Variants in DNAH17 observed in about 807,000 individuals in gnomAD.
The protein encoded by DNAH17 is axonemal beta dynein heavy chain 17.
In DNAH17, 376 loss-of-function variants were observed where a neutral mutation model predicts 485.6. That is an observed-to-expected ratio of 0.77 (90% confidence interval 0.71 to 0.84). The LOEUF (loss-of-function observed/expected upper bound fraction) is 0.84. DNAH17 is among the 40% of genes least tolerant of loss of function. The probability of loss-of-function intolerance (pLI) is 0.00; values close to 1 mark genes in which losing one functional copy is unlikely to be tolerated. For missense variants in DNAH17, 6,370 were observed against 5,839.3 expected (o/e 1.09, Z -2.96); for synonymous variants, 3,031 against 2,405.9 (o/e 1.26, Z -7.60).
chr17:78,452,422 C>T (rs1262013037), intron 65 of DNAH17, among the ~76,000 whole-genome samples: 2 of 152,088 alleles, frequency 1.3e-5, no homozygotes, highest in Admixed American at 6.6e-5. Context: ...CACATGCGAC[C>T]ACGTGCATGA....
In DNAH17 at chr17:78,462,837, C is replaced by G. The variant is rs755166656; in HGVS notation, c.9174+7G>C. On this transcript the variant is annotated splice_region_variant and intron_variant, in intron 57 of 80. Coordinates refer to ENST00000389840, the MANE Select transcript of DNAH17 (RefSeq NM_173628.4). ...ACAGGAGCTGGCAGCCAGCCCCCCT[C>G]TCCTACCTGGGAAGCCGTGCTCTGC... is the stretch of plus-strand genomic sequence containing the variant. 2.5e-6 allele frequency: 4 copies of G among 1,613,716 alleles called. No individual in the cohort carries two copies. In the East Asian group the frequency reaches 8.9e-5, roughly 36 times the overall value.
chr17:78,455,620 C>T, intron 63 of DNAH17, 24 bp downstream of exon 63: 5 of 1,507,162 alleles, frequency 3.3e-6, no homozygotes, highest in Non-Finnish European at 4.5e-6. Context: ...AGCCACCGCG[C>T]CTGGCCAGGA....
intron 55 of DNAH17, among the ~76,000 whole-genome samples, 195 bp downstream of exon 55, chr17:78,468,422 A>G (rs1486549549): frequency 2.0e-5 from 3 of 152,038 alleles, no homozygotes; most frequent in African/African-American, 7.3e-5. Flanking sequence ...GCCCCAAGAT[A>G]CCTCTAACGA....
At chr17:78,524,928 C>T in intron 25 of DNAH17, 81 bp downstream of exon 25, 1 of 1,524,034 alleles carries the variant, frequency 6.6e-7, no homozygotes, top group Non-Finnish European at 8.8e-7. Context: ...CCAAAGGGTG[C>T]CCAGAGCCTG....
chr17:78,490,601 T>C, intron 44 of DNAH17, 98 bp downstream of exon 44: 1 of 1,472,596 alleles, frequency 6.8e-7, no homozygotes. Flanking sequence ...ACACAGTTTG[T>C]GACATGAATG....
At chr17:78,540,018 T>C in intron 17 of DNAH17, 138 bp from the exon 18 acceptor site, 1 of 811,604 alleles carries the variant, frequency 1.2e-6, no homozygotes, top group Admixed American at 4.2e-5. Flanking sequence ...ATCTTGCTGG[T>C]GCTGGCCGCC....
chr17:78,492,666 T>C lies in DNAH17; in HGVS notation c.6508A>G (p.Ile2170Val), dbSNP rs2089912437. The C allele has an allele frequency of 1.9e-6, 3 of 1,613,754 alleles. No individual in the cohort carries two copies. The highest frequency in any genetic ancestry group is 2.5e-6 in the Non-Finnish European group (3 of 1,179,804). Reference protein sequence around the residue: ...KAVTCDELFGIINPVTREWKD... With the variant: ...KAVTCDELFGVINPVTREWKD... ...CATTCCCTGGTCACTGGGTTGATGA[T>C]GCCAAAGAGCTCGTCGCAGGTGACG... Residue 2170 changes from isoleucine to valine, a missense_variant, in exon 42 of 81, where the codon ATC becomes GTC. By Grantham distance (29) the Ile-to-Val change is conservative. Coordinates refer to ENST00000389840, the MANE Select transcript of DNAH17 (RefSeq NM_173628.4).
intron 73 of DNAH17, among the ~76,000 whole-genome samples, chr17:78,438,452 G>GGAGGAGGAGGGAGGAGGGAGGA (rs1555651774): frequency 1.5e-5 from 1 of 68,290 alleles, no homozygotes; most frequent in Non-Finnish European, 2.9e-5. Context: ...GGAGGGAGGA[G>GGAGGAGGAGGGAGGAGGGAGGA]GGAGGAGGAG....
chr17:78,552,786 G>T lies in DNAH17; in HGVS notation c.2198C>A (p.Ala733Glu). 1.9e-6 allele frequency: 3 copies of T among 1,610,188 alleles called. No individual in the cohort carries two copies. In the South Asian group the frequency reaches 3.3e-5, roughly 18 times the overall value. ...TGACTTTATTAGTAGAAATTCTACT[G>T]CCTTCACTATAGTCTTTATCTGAAA... Reference protein sequence around the residue: ...WYNEIKTIVKAVEFLLIKSEL... With the variant: ...WYNEIKTIVKEVEFLLIKSEL... The change falls in exon 15 of 81, where the codon GCA (alanine) becomes GAA (glutamate). Residue 733 changes from alanine (A) to glutamate (E), a missense_variant. Coordinates refer to ENST00000389840, the MANE Select transcript of DNAH17 (RefSeq NM_173628.4).
In DNAH17 at chr17:78,505,440, G is replaced by A. The variant is rs985837465; in HGVS notation, c.4809C>T (p.Ser1603=). Residue 1603 remains serine (S), a synonymous_variant, in exon 31 of 81, where the codon AGC becomes AGT. Transcript: ENST00000389840. The part of the protein sequence containing the change: ...LSNGNDPVEV[S]RHLSKLFDSL... ...TATCGAAGAGTTTGGACAGGTGGCGGCTCACCTGGGAGGAGGCAAGAAGCG... is the reference window on the plus strand; with the variant it reads ...TATCGAAGAGTTTGGACAGGTGGCGACTCACCTGGGAGGAGGCAAGAAGCG... 2 of 1,613,864 alleles carry A rather than the reference G, an allele frequency of 1.2e-6. No individual in the cohort carries two copies. Among genetic ancestry groups the A allele is most frequent in the African/African-American group, 2.7e-5 (2 of 74,928 alleles).
At chr17:78,500,060 C>T in intron 36 of DNAH17, 1 of 465,370 alleles carries the variant, frequency 2.1e-6, no homozygotes, top group Non-Finnish European at 3.8e-6. Flanking sequence ...GAGAGAGGGT[C>T]ACCTCCAGGG....
At chr17:78,528,743 C>G (rs1435898592) in intron 22 of DNAH17, among the ~76,000 whole-genome samples, 3 of 152,106 alleles carry the variant, frequency 2.0e-5, no homozygotes, top group African/African-American at 4.8e-5. Flanking sequence ...CCAGCCTGCA[C>G]ACACCCCTCC....
chr17:78,490,992 G>A (rs1733760217), intron 43 of DNAH17, 145 bp from the exon 44 acceptor site: 2 of 1,069,476 alleles, frequency 1.9e-6, no homozygotes, highest in Non-Finnish European at 2.6e-6. Flanking sequence ...CACAGCCCTA[G>A]TCCCTTGGCC....
chr17:78,514,636 C>G, intron 26 of DNAH17, 138 bp downstream of exon 26: 1 of 1,215,244 alleles, frequency 8.2e-7, no homozygotes, highest in Non-Finnish European at 1.1e-6. Context: ...GTCACTTGTG[C>G]ACGAAGCCAG....
At position 78,572,825 on chromosome 17, in the gene DNAH17, C is replaced by A. The variant is rs768709914; in HGVS notation, c.415G>T (p.Val139Leu). The stretch of plus-strand genomic sequence containing the variant: ...TTCTTCAGCCTGTGGACCTGCTTCA[C>A]GATGTCTTCCGAGACCACCTGGGGC... ...GWPQVVSEDI[V>L]KQVHRLKNEM... The change falls in exon 3 of 81, where the codon GTG (valine) becomes TTG (leucine). Residue 139 changes from valine to leucine, a missense_variant. Val to Leu is a conservative substitution (Grantham distance 32). Coordinates refer to ENST00000389840, the MANE Select transcript of DNAH17 (RefSeq NM_173628.4). The A allele has an allele frequency of 6.2e-7, 1 of 1,613,976 alleles. No homozygotes were observed. The highest frequency in any genetic ancestry group is 1.1e-5 in the South Asian group (1 of 91,068).
rs548147431 is a variant in DNAH17, at chr17:78,549,123, C to A, written c.2391+2412G>T. On this transcript the variant is annotated intron_variant, in intron 16 of 80. Transcript: ENST00000389840. The stretch of plus-strand genomic sequence containing the variant: ...TGCACGTCTGTGTTCTCTCATCTCC[C>A]AAAATTCACATATTCGAGTCCTAGC... Among the ~76,000 whole-genome samples, 5 of 152,270 alleles carry A rather than the reference C, an allele frequency of 3.3e-5. No homozygotes were observed. In the East Asian group the frequency reaches 9.6e-4, roughly 29 times the overall value.
In DNAH17 at chr17:78,459,829, T is replaced by A; in HGVS notation, c.9608A>T (p.Lys3203Met). 6.2e-7 allele frequency: 1 copy of A among 1,614,044 alleles called. No homozygotes were observed. Among genetic ancestry groups the A allele is most frequent in the Non-Finnish European group, 8.5e-7 (1 of 1,179,890 alleles). Residue 3203 changes from lysine (K) to methionine (M), a missense_variant, in exon 60 of 81, where the codon AAG becomes ATG. Lys to Met is a moderately conservative substitution (Grantham distance 95). Coordinates refer to ENST00000389840, the MANE Select transcript of DNAH17 (RefSeq NM_173628.4). ...KVDTFLDSLK[K>M]FDKEHIPEAC... ...CTCAGGGATGTGCTCCTTGTCGAACTTCTTCAGGGAGTCTAGGAAGGTGTC... is the reference window on the plus strand; with the variant it reads ...CTCAGGGATGTGCTCCTTGTCGAACATCTTCAGGGAGTCTAGGAAGGTGTC...
intron 69 of DNAH17, among the ~76,000 whole-genome samples, chr17:78,446,304 C>A (rs150276445): frequency 6.6e-6 from 1 of 151,692 alleles, no homozygotes; most frequent in Non-Finnish European, 1.5e-5. Context: ...TTTTTGTTAC[C>A]CCCTCGCCCC....
intron 25 of DNAH17, among the ~76,000 whole-genome samples, chr17:78,520,476 G>A (rs995799337): frequency 3.3e-5 from 5 of 152,050 alleles, no homozygotes; most frequent in African/African-American, 1.2e-4. Flanking sequence ...AATCCCTAAG[G>A]AGTCTAAAAA....
Sources: gnomAD v4.1 joint callset for allele counts (sites outside exome capture counted in the v4.1 genomes callset) on GRCh38, gnomAD v4.1.1 for gene constraint, MANE v1.5 for transcripts, NCBI Gene and HGNC (gene_info 2026-07-23, HGNC 2026-07-21) for gene names.